CDH1: variants seen among roughly 807,000 people sequenced by gnomAD.
CDH1 encodes the protein cadherin-1.
In CDH1, 35 loss-of-function variants were observed where a neutral mutation model predicts 84.5. That is an observed-to-expected ratio of 0.41 (90% confidence interval 0.32 to 0.55). The LOEUF is 0.55. CDH1 is among the 20% of genes least tolerant of loss of function. The probability of loss-of-function intolerance (pLI) is 0.19; values close to 1 mark genes in which losing one functional copy is unlikely to be tolerated. For synonymous variants in CDH1, 417 were observed against 439.0 expected, an observed-to-expected ratio of 0.95 and a Z score of 0.63; for missense variants, 994 against 1,126.6, an observed-to-expected ratio of 0.88 and a Z score of 1.68.
In CDH1 at chr16:68,828,052, G is replaced by A. The variant is rs1043347849; in HGVS notation, c.2165-122G>A. The A allele has an allele frequency of 3.9e-6, 4 of 1,029,148 alleles. No individual in the cohort carries two copies. In the African/African-American group the frequency reaches 6.3e-5, roughly 16 times the overall value. 63.8% of individuals were successfully genotyped at this position (1,029,148 alleles called of 1,614,324 possible). ...GATTGACATCTTCAAGTGTATTGAA[G>A]GCAGCTAGTGGCTGTCTAACTGCCC... is the stretch of plus-strand genomic sequence containing the variant. On this transcript the variant is annotated intron_variant, in intron 13 of 15. Coordinates refer to ENST00000261769, the MANE Select transcript of CDH1 (RefSeq NM_004360.5).
At chr16:68,811,968 G>T in intron 7 of CDH1, 109 bp downstream of exon 7, 3 of 1,466,704 alleles carry the variant, frequency 2.0e-6, no homozygotes, top group Non-Finnish European at 2.8e-6. Context: ...TACAGTGATG[G>T]TCTAAGCTTT....
At chr16:68,795,474 A>C (rs981502825) in intron 2 of CDH1, among the ~76,000 whole-genome samples, 1 of 152,014 alleles carries the variant, frequency 6.6e-6, no homozygotes. Context: ...ATGCCTGGCT[A>C]GTTCTCTGAT....
chr16:68,756,757 A>T (rs1196039323), intron 2 of CDH1, among the ~76,000 whole-genome samples: 1 of 152,162 alleles, frequency 6.6e-6, no homozygotes, highest in East Asian at 1.9e-4. Context: ...GTAATCCAGC[A>T]CTTCGGGAGG....
At chr16:68,813,274 C>T (rs2152133230) in intron 8 of CDH1, 39 bp from the exon 9 acceptor site, 2 of 1,605,318 alleles carry the variant, frequency 1.2e-6, no homozygotes, top group Non-Finnish European at 1.7e-6. Context: ...TGCTAGCAGT[C>T]TTGGTACTTT....
At chr16:68,745,835 T>G (rs1329683934) in intron 2 of CDH1, among the ~76,000 whole-genome samples, 1 of 152,028 alleles carries the variant, frequency 6.6e-6, no homozygotes, top group African/African-American at 2.4e-5. Flanking sequence ...ATTTATTTTT[T>G]GGGATGAAGT....
chr16:68,812,321 TAA>T (rs1431889637), intron 8 of CDH1, 58 bp downstream of exon 8: 1 of 1,571,418 alleles, frequency 6.4e-7, no homozygotes, highest in Non-Finnish European at 8.8e-7. Context: ...GTTCATGAAC[TAA>T]GTGTCACCAC....
chr16:68,811,554 T>C, intron 6 of CDH1, 130 bp from the exon 7 acceptor site: 3 of 774,388 alleles, frequency 3.9e-6, no homozygotes, highest in Admixed American at 4.0e-5. Flanking sequence ...TTCTAGGAAT[T>C]AGGGAACTCT....
At position 68,811,745 on chromosome 16, in the gene CDH1, C is replaced by T. The variant is rs139110184; in HGVS notation, c.894C>T (p.Ala298=). The T allele has an allele frequency of 1.2e-4, 199 of 1,613,956 alleles. No individual in the cohort carries two copies. Among genetic ancestry groups the T allele is most frequent in the Non-Finnish European group, 1.3e-4 (150 of 1,180,002 alleles). Residue 298 remains alanine, a synonymous_variant, in exon 7 of 16, where the codon GCC becomes GCT. Transcript: ENST00000261769. Reference sequence around the variant, plus strand: ...ACGATGATGTGAACACCTACAATGCCGCCATCGCTTACACCATCCTCAGCC... The same window carrying T: ...ACGATGATGTGAACACCTACAATGCTGCCATCGCTTACACCATCCTCAGCC... ...DADDDVNTYN[A]AIAYTILSQD...
At chr16:68,776,556 C>T (rs1472257442) in intron 2 of CDH1, among the ~76,000 whole-genome samples, 1 of 152,074 alleles carries the variant, frequency 6.6e-6, no homozygotes, top group Non-Finnish European at 1.5e-5. Context: ...TTTGTAGAGA[C>T]AGGGGTCTCA....
intron 11 of CDH1, 105 bp downstream of exon 11, chr16:68,819,530 C>A: frequency 1.6e-6 from 2 of 1,252,764 alleles, no homozygotes; most frequent in East Asian, 2.4e-5. Context: ...TTTCTTTTAT[C>A]CTTTTTGTTT....
At chr16:68,771,720 C>T (rs1381412448) in intron 2 of CDH1, among the ~76,000 whole-genome samples, 1 of 151,304 alleles carries the variant, frequency 6.6e-6, no homozygotes, top group Non-Finnish European at 1.5e-5. Context: ...CCACTACACT[C>T]CAGCCTGGCG....
Position 68,750,150 on chromosome 16 carries a change from C to CTTTTTTTTTTTTTTTTTT in CDH1, c.163+11749_163+11750insTTTTTTTTTTTTTTTTTT, listed in dbSNP as rs34551002. Among the ~76,000 whole-genome samples the CTTTTTTTTTTTTTTTTTT allele has an allele frequency of 9.0e-4, 71 of 79,104 alleles. 7 individuals carry two copies. Among genetic ancestry groups the CTTTTTTTTTTTTTTTTTT allele is most frequent in the East Asian group, 2.6e-3 (6 of 2,322 alleles). The allele number at this position is 79,104 out of a possible 152,430, so 51.9% of individuals were successfully genotyped here. ...TTTTGATTGTGATGCTAGAATTCAG[C>CTTTTTTTTTTTTTTTTTT]TTTTTTTTTTGCCTTTGGAAGGCCT... On this transcript the variant is annotated intron_variant, in intron 2 of 15. Coordinates refer to ENST00000261769, the MANE Select transcript of CDH1 (RefSeq NM_004360.5).
chr16:68,820,743 T>C (rs1374783805), intron 11 of CDH1, among the ~76,000 whole-genome samples: 3 of 152,158 alleles, frequency 2.0e-5, no homozygotes, highest in Non-Finnish European at 4.4e-5. Context: ...CAGTTAGGTG[T>C]GGGTCCTTCC....
At chr16:68,791,693 A>G in intron 2 of CDH1, among the ~76,000 whole-genome samples, 1 of 152,148 alleles carries the variant, frequency 6.6e-6, no homozygotes. Context: ...AAGTGCTGGG[A>G]TTACAGGCAT....
intron 2 of CDH1, among the ~76,000 whole-genome samples, chr16:68,747,534 C>T (rs1962776120): frequency 6.6e-6 from 1 of 152,140 alleles, no homozygotes. Context: ...CCTTCCCACC[C>T]CAAACCACGC....
At chr16:68,768,748 C>A (rs977433494) in intron 2 of CDH1, among the ~76,000 whole-genome samples, 2 of 152,072 alleles carry the variant, frequency 1.3e-5, no homozygotes, top group African/African-American at 4.8e-5. Flanking sequence ...ATATCACCAC[C>A]GGGGAACATT....
rs137923632 is a variant in CDH1 at position 68,779,604 on chromosome 16, C to T, written c.164-22066C>T. ...GGCACGATGGCTCACACCTGTAATC[C>T]CAGCACTTTGGGAGGCCGAGCAGGC... is the stretch of plus-strand genomic sequence containing the variant. On this transcript the variant is annotated intron_variant, in intron 2 of 15. Transcript: ENST00000261769. Among the ~76,000 whole-genome samples, 253 of 152,284 alleles carry T rather than the reference C, an allele frequency of 1.7e-3. 1 individual carries two copies. The highest frequency in any genetic ancestry group is 5.9e-3 in the African/African-American group (244 of 41,550).
At chr16:68,806,116 T>TTTTGTTTGTTTG (rs1445829613) in intron 3 of CDH1, among the ~76,000 whole-genome samples, 1 of 137,668 alleles carries the variant, frequency 7.3e-6, no homozygotes, top group Non-Finnish European at 1.6e-5. Flanking sequence ...CCTGGCTAAT[T>TTTTGTTTGTTTG]TTTGTATATT....
At chr16:68,781,625 C>T (rs1343804764) in intron 2 of CDH1, among the ~76,000 whole-genome samples, 1 of 152,138 alleles carries the variant, frequency 6.6e-6, no homozygotes, top group Admixed American at 6.5e-5. Context: ...AGGCATGCAA[C>T]ACCATGCCCG....
Sources: allele counts gnomAD v4.1 joint callset (sites outside exome capture counted in the v4.1 genomes callset), GRCh38; gene constraint gnomAD v4.1.1; transcripts MANE v1.5; gene names NCBI Gene and HGNC (gene_info 2026-07-23, HGNC 2026-07-21).